The following HNF4G variants were observed in gnomAD, a reference collection of about 807,000 sequenced individuals.
The protein encoded by HNF4G is hepatocyte nuclear factor 4-gamma.
Under a neutral mutation model 50.9 loss-of-function variants are expected in HNF4G, and 21 were observed. The ratio of observed to expected loss-of-function variants is 0.41; its 90% CI spans 0.29 to 0.59. The LOEUF is 0.59. Ranked by LOEUF, HNF4G falls within the 20% of genes least tolerant of loss-of-function variation. The pLI is 0.26. For missense variants in HNF4G, 527 were observed against 559.4 expected (o/e 0.94, Z 0.58); for synonymous variants, 198 against 185.6 (o/e 1.07, Z -0.54).
intron 1 of HNF4G, among the ~76,000 whole-genome samples, chr8:75,480,950 C>G (rs1409171500): frequency 1.3e-5 from 2 of 152,110 alleles, no homozygotes; most frequent in Non-Finnish European, 2.9e-5. Flanking sequence ...CTCCTGGCCT[C>G]AGGTGATCCA....
rs747436051 is a variant in HNF4G, at chr8:75,560,491, C to CTAAGA, written c.1246+25_1246+26insTAAGA. On this transcript the variant is annotated intron_variant, in intron 9 of 9. Transcript: ENST00000396423. The stretch of plus-strand genomic sequence containing the variant: ...TGTAAGTTTATAGACTACTTTTCAA[C>CTAAGA]CAAGATATTTCTTAATTACCCAAGA... The CTAAGA allele has an allele frequency of 3.8e-6, 6 of 1,591,374 alleles. No individual in the cohort carries two copies. In the South Asian group the frequency reaches 6.9e-5, roughly 18 times the overall value.
At chr8:75,554,957 A>G (rs1354197230) in intron 5 of HNF4G, among the ~76,000 whole-genome samples, 1 of 152,190 alleles carries the variant, frequency 6.6e-6, no homozygotes, top group Non-Finnish European at 1.5e-5. Flanking sequence ...CAGCATGTCC[A>G]AGGTTCTGAG....
At chr8:75,439,650 T>C (rs939336630) in intron 1 of HNF4G, among the ~76,000 whole-genome samples, 10 of 152,034 alleles carry the variant, frequency 6.6e-5, no homozygotes, top group Non-Finnish European at 1.5e-4. Flanking sequence ...TTACTTGGGA[T>C]CAAAATGGTT....
intron 1 of HNF4G, among the ~76,000 whole-genome samples, chr8:75,430,538 T>C (rs943841666): frequency 2.0e-5 from 3 of 151,070 alleles, no homozygotes; most frequent in African/African-American, 7.3e-5. Flanking sequence ...GAGAATGCTC[T>C]TGAGGGAGAT....
intron 1 of HNF4G, among the ~76,000 whole-genome samples, chr8:75,448,863 A>G (rs1801630449): frequency 2.0e-5 from 3 of 152,152 alleles, no homozygotes; most frequent in South Asian, 2.1e-4. Flanking sequence ...AAATCAAGCA[A>G]CCTGTTGACA....
intron 2 of HNF4G, among the ~76,000 whole-genome samples, chr8:75,525,452 G>A (rs2130754378): frequency 6.6e-6 from 1 of 152,276 alleles, no homozygotes; most frequent in Non-Finnish European, 1.5e-5. Flanking sequence ...ACAGGCGTGA[G>A]CCACCGCAAC....
At chr8:75,442,605 G>A (rs931246818) in intron 1 of HNF4G, among the ~76,000 whole-genome samples, 12 of 151,742 alleles carry the variant, frequency 7.9e-5, no homozygotes, top group African/African-American at 2.2e-4. Context: ...AATAAAATAT[G>A]TTAAAAATAG....
chr8:75,464,905 A>G (rs1345730764), intron 1 of HNF4G, among the ~76,000 whole-genome samples: 1 of 152,320 alleles, frequency 6.6e-6, no homozygotes, highest in South Asian at 2.1e-4. Flanking sequence ...AATAGGAAGA[A>G]CAAGAGAATA....
At chr8:75,562,816 A>G (rs1420500229) in intron 9 of HNF4G, among the ~76,000 whole-genome samples, 2 of 152,186 alleles carry the variant, frequency 1.3e-5, no homozygotes, top group African/African-American at 2.4e-5. Flanking sequence ...TATTTTATGC[A>G]AAGCAGGATA....
At chr8:75,466,685 C>T (rs1811996399) in intron 1 of HNF4G, among the ~76,000 whole-genome samples, 1 of 99,796 alleles carries the variant, frequency 1.0e-5, no homozygotes, top group Non-Finnish European at 2.0e-5. Context: ...CTTCCCTTCC[C>T]TTCCCTTTCT....
rs935051722 is a variant in HNF4G, at chr8:75,566,313, C to T, written c.*2217C>T. The T allele has an allele frequency of 3.9e-5, 6 of 152,122 alleles. No homozygotes were observed. The highest frequency in any genetic ancestry group is 2.6e-4 in the Admixed American group (4 of 15,268). The allele number at this position is 152,122 out of a possible 1,614,324, so 9.4% of individuals were successfully genotyped here. On this transcript the variant is annotated 3_prime_UTR_variant, in exon 10 of 10. Coordinates refer to ENST00000396423, the MANE Select transcript of HNF4G (RefSeq NM_004133.5). Reference sequence around the variant, plus strand: ...CTCCAAAGGCCCCACCTCCTAATACCATCACTCTGGGGACTAGGTGTCAGC... The same window carrying T: ...CTCCAAAGGCCCCACCTCCTAATACTATCACTCTGGGGACTAGGTGTCAGC...
At chr8:75,416,276 T>G (rs1218358707) in intron 1 of HNF4G, among the ~76,000 whole-genome samples, 2 of 152,198 alleles carry the variant, frequency 1.3e-5, no homozygotes, top group East Asian at 3.8e-4. Flanking sequence ...GACTTTTTTC[T>G]GCATACGGCT....
intron 1 of HNF4G, among the ~76,000 whole-genome samples, chr8:75,469,523 C>T (rs946411542): frequency 6.6e-6 from 1 of 152,114 alleles, no homozygotes; most frequent in Non-Finnish European, 1.5e-5. Context: ...AAGGTTACTA[C>T]TCATTTACTT....
chr8:75,490,186 A>C (rs917876354), exon 2 of HNF4G: 7 of 152,452 alleles, frequency 4.6e-5, no homozygotes, highest in African/African-American at 1.4e-4. Context: ...ACAAATATAG[A>C]CTCCGTTCCC....
intron 2 of HNF4G, among the ~76,000 whole-genome samples, chr8:75,528,653 T>C (rs1054259202): frequency 6.6e-6 from 1 of 152,220 alleles, no homozygotes; most frequent in Non-Finnish European, 1.5e-5. Context: ...TGTCATAGAA[T>C]GAGTTCAGAT....
chr8:75,478,228 C>T (rs1812287716), intron 1 of HNF4G, among the ~76,000 whole-genome samples: 1 of 151,990 alleles, frequency 6.6e-6, no homozygotes, highest in African/African-American at 2.4e-5. Context: ...GTGGGAGGAT[C>T]GCTTGAGCCC....
At chr8:75,534,612 A>T (rs914504603) in intron 2 of HNF4G, among the ~76,000 whole-genome samples, 2 of 151,944 alleles carry the variant, frequency 1.3e-5, no homozygotes, top group Non-Finnish European at 2.9e-5. Flanking sequence ...AAATATAAAT[A>T]GTTCAGGTAA....
intron 1 of HNF4G, among the ~76,000 whole-genome samples, chr8:75,458,340 C>T (rs1811770357): frequency 7.1e-6 from 1 of 141,538 alleles, no homozygotes; most frequent in African/African-American, 2.7e-5. Flanking sequence ...AGAAAGAAGA[C>T]TACTGTTGGT....
At chr8:75,499,727 G>GA (rs1435284388) in intron 2 of HNF4G, among the ~76,000 whole-genome samples, 1 of 151,802 alleles carries the variant, frequency 6.6e-6, no homozygotes, top group Admixed American at 6.6e-5. Flanking sequence ...CCAGTGGGGG[G>GA]AAAAACTCAT....
Sources: gnomAD v4.1 joint callset for allele counts (sites outside exome capture counted in the v4.1 genomes callset) on GRCh38, gnomAD v4.1.1 for gene constraint, MANE v1.5 for transcripts, NCBI Gene and HGNC (gene_info 2026-07-23, HGNC 2026-07-21) for gene names.